TAF6: variants seen among roughly 807,000 people sequenced by gnomAD.
TAF6 encodes the protein transcription initiation factor TFIID subunit 6.
A neutral mutation model predicts 73.5 loss-of-function variants in TAF6; 50 were observed. The observed-to-expected ratio is 0.68, with a 90% CI of 0.54 to 0.86. The LOEUF is 0.86. Ranked by LOEUF, TAF6 falls within the 40% of genes least tolerant of loss-of-function variation. The probability of loss-of-function intolerance (pLI) is 0.00; values close to 1 mark genes in which losing one functional copy is unlikely to be tolerated. For synonymous variants in TAF6, 424 were observed against 376.7 expected, an observed-to-expected ratio of 1.13 and a Z score of -1.45; for missense variants, 768 against 899.5, an observed-to-expected ratio of 0.85 and a Z score of 1.87.
chr7:100,119,841 C>T (rs746602407), upstream of TAF6: 2 of 1,612,548 alleles, frequency 1.2e-6, no homozygotes, highest in Non-Finnish European at 8.5e-7. Flanking sequence ...TGACACAGAA[C>T]GCTTGCCCAG....
At chr7:100,119,928 C>T (rs1185200764), upstream of TAF6, 2 of 1,455,550 alleles carry the variant, frequency 1.4e-6, no homozygotes, top group Non-Finnish European at 9.3e-7. Flanking sequence ...GGCCGGACAT[C>T]CTAGCCTGTA....
chr7:100,107,643 A>G lies in TAF6; in HGVS notation c.1657-20T>C. 1.2e-6 allele frequency: 2 copies of G among 1,608,006 alleles called. No homozygotes were observed. Among genetic ancestry groups the G allele is most frequent in the Non-Finnish European group, 1.7e-6 (2 of 1,177,998 alleles). On this transcript the variant is annotated intron_variant, in intron 14 of 14. Coordinates refer to ENST00000453269, the MANE Select transcript of TAF6 (RefSeq NM_139315.3). ...CAGGACCTGGATAGAAAGGAAAGGC[A>G]GGCCGCTTGCCCTGTGCCCTCCCTG... is the stretch of plus-strand genomic sequence containing the variant.
At chr7:100,124,975 G>A in the TAF6 span, 2 of 1,433,566 alleles carry the variant, frequency 1.4e-6, no homozygotes, top group Non-Finnish European at 9.4e-7. Flanking sequence ...CTTTCAGGGT[G>A]TGTTTATGAG....
Position 100,119,236 on chromosome 7 carries a change from A to G in TAF6, c.-92T>C, listed in dbSNP as rs974949029. ...TTTCCAGTCCCCACAAGGGACCTTC[A>G]AAGGGTCTCCTCCGGGGTACCACTC... On this transcript the variant is annotated 5_prime_UTR_variant, in exon 1 of 15. Coordinates refer to ENST00000453269, the MANE Select transcript of TAF6 (RefSeq NM_139315.3). The G allele has an allele frequency of 1.0e-6, 1 of 1,002,946 alleles. No homozygotes were observed. The highest frequency in any genetic ancestry group is 1.7e-5 in the African/African-American group (1 of 57,298). 62.1% of individuals were successfully genotyped at this position (1,002,946 alleles called of 1,614,324 possible).
At position 100,113,674 on chromosome 7, in the gene TAF6, A is replaced by G; in HGVS notation, c.339T>C (p.Asp113=). The G allele has an allele frequency of 1.2e-6, 2 of 1,614,038 alleles. No individual in the cohort carries two copies. The highest frequency in any genetic ancestry group is 1.7e-6 in the Non-Finnish European group (2 of 1,180,012). The change falls in exon 4 of 15, where the codon GAT becomes GAC. Residue 113 remains aspartate (D), a synonymous_variant. Transcript: ENST00000453269. ...ELYFYEEKEV[D]LSDIINTPLP... is the part of the protein sequence containing the mutation. ...GAGGGGTATTGATGATGTCGCTCAG[A>G]TCAACCTCCTTCTCCTCATAGAAGT...
chr7:100,108,571 G>C, intron 12 of TAF6, 31 bp from the exon 13 acceptor site: 1 of 1,568,094 alleles, frequency 6.4e-7, no homozygotes, highest in Non-Finnish European at 8.7e-7. Context: ...CAGGTAGAGG[G>C]AGGGCTGGGG....
Position 100,107,309 on chromosome 7 carries a change from A to G in TAF6, c.1971T>C (p.Ala657=). 1.3e-6 allele frequency: 2 copies of G among 1,529,822 alleles called. No individual in the cohort carries two copies. Among genetic ancestry groups the G allele is most frequent in the African/African-American group, 2.8e-5 (2 of 72,216 alleles). The allele number at this position is 1,529,822 out of a possible 1,614,324, so 94.8% of individuals were successfully genotyped here. A position where few individuals can be genotyped will look rare whatever the true frequency, so the allele number is the denominator to read the frequency against. Reference sequence around the variant, plus strand: ...AGCCATTGGCTTTTGGAGTCCCTGGAGCTGGAGGGGGACTGTCCCCAGCCT... The same window carrying G: ...AGCCATTGGCTTTTGGAGTCCCTGGGGCTGGAGGGGGACTGTCCCCAGCCT... ...KQEAGDSPPP[A]PGTPKANGSQ... Residue 657 remains alanine (A), a synonymous_variant, in exon 15 of 15, where the codon GCT becomes GCC. Coordinates refer to ENST00000453269, the MANE Select transcript of TAF6 (RefSeq NM_139315.3).
upstream of TAF6, chr7:100,122,342 C>CTG (rs1562939255): frequency 6.2e-7 from 1 of 1,614,130 alleles, no homozygotes; most frequent in Non-Finnish European, 8.5e-7. Context: ...GGGGCAGGTG[C>CTG]TGGATACAGG....
upstream of TAF6, among the ~76,000 whole-genome samples, chr7:100,123,437 G>A (rs1464510778): frequency 6.6e-6 from 1 of 152,084 alleles, no homozygotes; most frequent in South Asian, 2.1e-4. Context: ...GTGAGTCTGA[G>A]GGAGAAGGAC....
At chr7:100,114,772 T>C (rs1797538556) in intron 1 of TAF6, among the ~76,000 whole-genome samples, 2 of 151,040 alleles carry the variant, frequency 1.3e-5, no homozygotes, top group Non-Finnish European at 2.9e-5. Context: ...TCCAACACTC[T>C]GGGAGCCCAA....
upstream of TAF6, chr7:100,119,603 C>G (rs899824889): frequency 1.2e-5 from 19 of 1,542,386 alleles, no homozygotes; most frequent in Non-Finnish European, 1.6e-5. Flanking sequence ...AGGCCCCACC[C>G]TTGTTGGGCT....
At chr7:100,113,063 G>A (rs1305929076) in intron 5 of TAF6, 146 bp from the exon 6 acceptor site, 12 of 1,214,886 alleles carry the variant, frequency 9.9e-6, no homozygotes, top group African/African-American at 9.1e-5. Context: ...TCAGAAGTTC[G>A]AGACCAGCCT....
At chr7:100,123,646 G>T (rs768589690), upstream of TAF6, among the ~76,000 whole-genome samples, 1 of 151,892 alleles carries the variant, frequency 6.6e-6, no homozygotes, top group Non-Finnish European at 1.5e-5. Flanking sequence ...TCAGCCTCCC[G>T]AGTAGCTGGG....
At chr7:100,108,183 G>T in intron 13 of TAF6, 60 bp from the exon 14 acceptor site, 2 of 1,521,804 alleles carry the variant, frequency 1.3e-6, no homozygotes, top group East Asian at 4.7e-5. Flanking sequence ...GAGTCTGAAG[G>T]GAGAGGCCTG....
In TAF6 at chr7:100,107,976, T is replaced by C. The variant is rs960531284; in HGVS notation, c.1606A>G (p.Thr536Ala). Residue 536 changes from threonine (T) to alanine (A), a missense_variant, in exon 14 of 15, where the codon ACC (threonine) becomes GCC (alanine). Physicochemically the swap from Thr to Ala is moderately conservative, Grantham distance 58. Around this residue, in one of 5 missense-constraint regions of TAF6, gnomAD observed 350 missense variants for 352.3 expected, o/e 0.99. Transcript: ENST00000453269. ...GACGATGACATTACAATAAACTTGG[T>C]TGGAGGAGGGGAAGGCTGTGGTGGG... is the stretch of plus-strand genomic sequence containing the variant. Reference protein sequence around the residue: ...AAPPQPSPPPTKFIVMSSSSS... With the variant: ...AAPPQPSPPPAKFIVMSSSSS... 6 of 1,613,626 alleles carry C rather than the reference T, an allele frequency of 3.7e-6. No homozygotes were observed. The highest frequency in any genetic ancestry group is 1.3e-5 in the African/African-American group (1 of 74,804).
chr7:100,123,026 G>A (rs907618037), upstream of TAF6: 14 of 1,118,610 alleles, frequency 1.3e-5, no homozygotes, highest in Non-Finnish European at 1.7e-5. Flanking sequence ...GCCAGAGTGA[G>A]GACTGTGCCA....
rs140356610 is a variant in TAF6, at chr7:100,117,240, G to A, written c.-60+1964C>T. Among the ~76,000 whole-genome samples the A allele has an allele frequency of 1.7e-3, 255 of 147,744 alleles. 1 individual carries two copies. Among genetic ancestry groups the A allele is most frequent in the African/African-American group, 5.8e-3 (232 of 40,250 alleles). On this transcript the variant is annotated intron_variant, in intron 1 of 14. Coordinates refer to ENST00000453269, the MANE Select transcript of TAF6 (RefSeq NM_139315.3). ...CAGCCTGGCAACAGAGTGAGACCCC[G>A]TCTCCGTCCACCATCTAGACAGGGC...
upstream of TAF6, chr7:100,122,567 G>C: frequency 6.2e-7 from 1 of 1,609,054 alleles, no homozygotes; most frequent in East Asian, 2.2e-5. Context: ...GGCTCACTGA[G>C]ATATGCCAAG....
chr7:100,107,416 T>TG lies in TAF6; in HGVS notation c.1863dup (p.Thr622HisfsTer116). ...GGAGGAACTGGAGAAGGATGGGAGG[T>TG]GGGGCCTCCTTTGCCCTCCCCTGTT... On this transcript the variant is annotated frameshift_variant, in exon 15 of 15. Coordinates refer to ENST00000453269, the MANE Select transcript of TAF6 (RefSeq NM_139315.3). LOFTEE classifies it high-confidence loss of function. 6.2e-7 allele frequency: 1 copy of TG among 1,607,122 alleles called. No individual in the cohort carries two copies. Among genetic ancestry groups the TG allele is most frequent in the African/African-American group, 1.3e-5 (1 of 74,740 alleles).
Sources: gnomAD v4.1 joint callset for allele counts (sites outside exome capture counted in the v4.1 genomes callset) on GRCh38, gnomAD v4.1.1 for gene constraint, gnomAD v4.1.1 regional missense constraint, MANE v1.5 for transcripts, NCBI Gene and HGNC (gene_info 2026-07-23, HGNC 2026-07-21) for gene names.